ARHGAP30: variants seen among roughly 807,000 people sequenced by gnomAD.
ARHGAP30 encodes Rho GTPase activating protein 30, also known as rho GTPase-activating protein 30.
ARHGAP30 carries 23 observed loss-of-function variants against 72.0 expected under a neutral mutation model. The ratio of observed to expected loss-of-function variants is 0.32; its 90% CI spans 0.23 to 0.45. ARHGAP30 has a LOEUF of 0.45. ARHGAP30 is among the 20% of genes least tolerant of loss of function. The probability of loss-of-function intolerance (pLI) is 1.00; values close to 1 mark genes in which losing one functional copy is unlikely to be tolerated. For synonymous variants in ARHGAP30, 576 were observed against 528.2 expected (o/e 1.09, Z -1.24); for missense variants, 1,319 against 1,383.4 (o/e 0.95, Z 0.74).
chr1:161,064,835 A>AAGAAAG (rs1557935476), intron 1 of ARHGAP30, among the ~76,000 whole-genome samples: 2,797 of 72,490 alleles, frequency 0.039, 35 homozygotes, highest in South Asian at 0.043. Context: ...AAGAAAGAGA[A>AAGAAAG]AGAAAGAAAG....
intron 6 of ARHGAP30, 108 bp downstream of exon 6, chr1:161,053,150 C>G: frequency 6.7e-7 from 1 of 1,502,914 alleles, no homozygotes; most frequent in Non-Finnish European, 9.0e-7. Flanking sequence ...GTGGCCACTA[C>G]CAACATCCCT....
chr1:161,060,818 C>T (rs1471268707), intron 1 of ARHGAP30, among the ~76,000 whole-genome samples: 1 of 150,370 alleles, frequency 6.7e-6, no homozygotes, highest in Non-Finnish European at 1.5e-5. Flanking sequence ...TCTCCTGCCT[C>T]AGCCTCTCAA....
At chr1:161,051,288 G>A (rs1203142797) in intron 10 of ARHGAP30, 26 bp downstream of exon 10, 41 of 1,551,414 alleles carry the variant, frequency 2.6e-5, no homozygotes, top group Non-Finnish European at 3.6e-5. Context: ...CCCTTTCCTA[G>A]TCTTGGTCAA....
intron 3 of ARHGAP30, 110 bp downstream of exon 3, chr1:161,056,278 T>C: frequency 7.0e-7 from 1 of 1,427,354 alleles, no homozygotes. Context: ...CTGTGGTCTC[T>C]GTCATTCAGG....
intron 5 of ARHGAP30, 103 bp downstream of exon 5, chr1:161,054,263 C>A (rs1651665608): frequency 2.8e-6 from 3 of 1,071,386 alleles, no homozygotes; most frequent in African/African-American, 1.6e-5. Context: ...GAGCCCTACA[C>A]CCTTCTCCAG....
intron 9 of ARHGAP30, 60 bp downstream of exon 9, chr1:161,052,226 A>G: frequency 1.3e-6 from 2 of 1,585,384 alleles, no homozygotes; most frequent in Non-Finnish European, 1.7e-6. Context: ...ATGTACACAC[A>G]AGCCCACGCT....
intron 10 of ARHGAP30, among the ~76,000 whole-genome samples, chr1:161,050,295 CTTTTT>C (rs34136308): frequency 1.7e-5 from 2 of 118,618 alleles, no homozygotes; most frequent in African/African-American, 5.8e-5. Flanking sequence ...GCACTTGGAC[CTTTTT>C]TTTTTTTTTT....
chr1:161,053,174 C>G, intron 6 of ARHGAP30, 84 bp downstream of exon 6: 1 of 1,568,248 alleles, frequency 6.4e-7, no homozygotes. Flanking sequence ...TGAGACTCAG[C>G]TGAAGTAGGT....
intron 6 of ARHGAP30, chr1:161,053,049 G>A (rs1651534848): frequency 2.3e-6 from 2 of 877,798 alleles, no homozygotes; most frequent in Non-Finnish European, 1.7e-6. Context: ...CCAGGATGGT[G>A]ACTCAGAGGT....
chr1:161,057,081 A>G (rs77125814), intron 2 of ARHGAP30, among the ~76,000 whole-genome samples: 3 of 152,332 alleles, frequency 2.0e-5, no homozygotes, highest in Non-Finnish European at 2.9e-5. Flanking sequence ...TGCAAACAAT[A>G]TATCTGATTG....
rs548575480 is a variant in ARHGAP30, at chr1:161,049,231, C to T, written c.1790G>A (p.Arg597Lys). The T allele has an allele frequency of 6.2e-7, 1 of 1,614,152 alleles. No individual in the cohort carries two copies. Among genetic ancestry groups the T allele is most frequent in the South Asian group, 1.1e-5 (1 of 91,088 alleles). The change falls in exon 12 of 12, where the codon AGG (arginine) becomes AAG (lysine). Residue 597 changes from arginine (R) to lysine (K), a missense_variant. This residue lies in a region of ARHGAP30 where 1,097 missense variants were observed against 1,045.2 expected (regional missense o/e 1.05). Transcript: ENST00000368013. ...CCCATTTTCCTCCTCAACTTCAGGC[C>T]TGGGGCCAGCGGAGTCCAGGGAACA... ...SCCSLDSAGP[R>K]PEVEEENGEE...
chr1:161,047,773 T>G lies in ARHGAP30; in HGVS notation c.3248A>C (p.Gln1083Pro). The change falls in exon 12 of 12, where the codon CAG becomes CCG. Residue 1083 changes from glutamine to proline, a missense_variant. Physicochemically the swap from Gln to Pro is moderately conservative, Grantham distance 76 (BLOSUM62 -1). This residue lies in a region of ARHGAP30 where 1,097 missense variants were observed against 1,045.2 expected (regional missense o/e 1.05). Coordinates refer to ENST00000368013, the MANE Select transcript of ARHGAP30 (RefSeq NM_001025598.2). ...TGTTTCAAATGCATATGACCTGCGCTGAGAGGACAACAGGGGGTCAGGAAC... is the reference window on the plus strand; with the variant it reads ...TGTTTCAAATGCATATGACCTGCGCGGAGAGGACAACAGGGGGTCAGGAAC... ...PQVPDPLLSS[Q>P]RRSYAFETQA... is the part of the protein sequence containing the mutation. 6.3e-7 allele frequency: 1 copy of G among 1,581,462 alleles called. No homozygotes were observed. Among genetic ancestry groups the G allele is most frequent in the South Asian group, 1.2e-5 (1 of 85,442 alleles).
At chr1:161,068,580 T>G (rs912594610) in intron 1 of ARHGAP30, among the ~76,000 whole-genome samples, 5 of 151,178 alleles carry the variant, frequency 3.3e-5, no homozygotes, top group Non-Finnish European at 7.4e-5. Flanking sequence ...TGGGGTGGAG[T>G]GGGGAAAGAA....
rs1651077233 is a variant in ARHGAP30, at chr1:161,048,656, G to T, written c.2365C>A (p.Gln789Lys). The T allele has an allele frequency of 1.9e-6, 3 of 1,613,972 alleles. No homozygotes were observed. Among genetic ancestry groups the T allele is most frequent in the Non-Finnish European group, 2.5e-6 (3 of 1,180,002 alleles). Residue 789 changes from glutamine (Q) to lysine (K), a missense_variant, in exon 12 of 12, where the codon CAA becomes AAA. By Grantham distance (53) the Gln-to-Lys change is moderately conservative. Coordinates refer to ENST00000368013, the MANE Select transcript of ARHGAP30 (RefSeq NM_001025598.2). ...TCCTCTCTGACTCCCTCAGCCTCTTGTTTCTGTACAACTTCCCATTTCTCC... is the reference window on the plus strand; with the variant it reads ...TCCTCTCTGACTCCCTCAGCCTCTTTTTTCTGTACAACTTCCCATTTCTCC... ...AEEKWEVVQK[Q>K]EAEGVREDED...
At chr1:161,062,854 G>T (rs139965739) in intron 1 of ARHGAP30, among the ~76,000 whole-genome samples, 2,100 of 150,566 alleles carry the variant, frequency 0.014, 110 homozygotes, top group East Asian at 0.12. Flanking sequence ...CGCTCTTGTT[G>T]CCCAGGCTGG....
In ARHGAP30 at chr1:161,049,674, G is replaced by C. The variant is rs1246377707; in HGVS notation, c.1436C>G (p.Ala479Gly). The change falls in exon 11 of 12, where the codon GCA becomes GGA. Residue 479 changes from alanine (A) to glycine (G), a missense_variant. Around this residue, in one of 2 missense-constraint regions of ARHGAP30, gnomAD observed 1,097 missense variants for 1,045.2 expected, o/e 1.05. Transcript: ENST00000368013. The stretch of plus-strand genomic sequence containing the variant: ...TGCCAGGGGACTTGAGGCTGGACTT[G>C]CTTCCAACTTTTCATCTGTTGGGGG... ...GPGPPDEKLEASPASSPLADS... is the reference protein window; with the variant it reads ...GPGPPDEKLEGSPASSPLADS... The C allele has an allele frequency of 6.2e-7, 1 of 1,613,220 alleles. No individual in the cohort carries two copies. The highest frequency in any genetic ancestry group is 1.3e-5 in the African/African-American group (1 of 74,894).
chr1:161,053,590 A>G (rs1428373512), intron 5 of ARHGAP30, among the ~76,000 whole-genome samples: 1 of 151,886 alleles, frequency 6.6e-6, no homozygotes, highest in East Asian at 1.9e-4. Flanking sequence ...ACTTCTAGGA[A>G]GGAAGCCTTC....
chr1:161,054,686 A>C lies in ARHGAP30; in HGVS notation c.365T>G (p.Leu122Trp). The change falls in exon 4 of 12, where the codon TTG becomes TGG. Residue 122 changes from leucine (L) to tryptophan (W), a missense_variant. Transcript: ENST00000368013. ...DKFAEAVGVQ[L>W]EPERLVKILE... Reference sequence around the variant, plus strand: ...GATCTTGACCAAGCGCTCAGGTTCCAATTGCACTCCTACAGCCTCCTGATT... The same window carrying C: ...GATCTTGACCAAGCGCTCAGGTTCCCATTGCACTCCTACAGCCTCCTGATT... 1 of 1,614,004 alleles carries C rather than the reference A, an allele frequency of 6.2e-7. No homozygotes were observed. The highest frequency in any genetic ancestry group is 1.1e-5 in the South Asian group (1 of 91,076).
rs567227351 is a variant in ARHGAP30, at chr1:161,069,459, G to C, written c.97+69C>G. 2.0e-6 allele frequency: 3 copies of C among 1,515,068 alleles called. No homozygotes were observed. The South Asian group carries it at 3.4e-5, about 17-fold the overall frequency. The allele number at this position is 1,515,068 out of a possible 1,614,324, so 93.9% of individuals were successfully genotyped here. A position where few individuals can be genotyped will look rare whatever the true frequency, so the allele number is the denominator to read the frequency against. ...CACCGGAAACTGCTTCTGCCCTTCAGGCTGGATCGGGCTGCAGATGCCCAG... is the reference window on the plus strand; with the variant it reads ...CACCGGAAACTGCTTCTGCCCTTCACGCTGGATCGGGCTGCAGATGCCCAG... On this transcript the variant is annotated intron_variant, in intron 1 of 11. Transcript: ENST00000368013. This position sits in a 1 kb window ranked among gnomAD's most constrained non-coding sequence, Gnocchi z 4.9.
Sources: gnomAD v4.1 joint callset for allele counts (sites outside exome capture counted in the v4.1 genomes callset) on GRCh38, gnomAD v4.1.1 for gene constraint, gnomAD v4.1.1 regional missense constraint, Gnocchi (gnomAD v3.1) non-coding constraint, MANE v1.5 for transcripts, NCBI Gene and HGNC (gene_info 2026-07-23, HGNC 2026-07-21) for gene names.